Variants in CACNA1C observed in about 807,000 individuals in gnomAD.
CACNA1C encodes calcium voltage-gated channel subunit alpha1 C, also known as voltage-dependent L-type calcium channel subunit alpha-1C.
A neutral mutation model predicts 229.0 loss-of-function variants in CACNA1C; 30 were observed. The ratio of observed to expected loss-of-function variants is 0.13; its 90% CI spans 0.10 to 0.18. The LOEUF (loss-of-function observed/expected upper bound fraction) is 0.18. CACNA1C is among the 10% of genes least tolerant of loss of function. The probability of loss-of-function intolerance (pLI) is 1.00; values close to 1 mark genes in which losing one functional copy is unlikely to be tolerated. For missense variants in CACNA1C, 1,658 were observed against 2,845.0 expected, an observed-to-expected ratio of 0.58 and a Z score of 9.49; for synonymous variants, 1,114 against 1,132.5, an observed-to-expected ratio of 0.98 and a Z score of 0.33.
intron 1 of CACNA1C, among the ~76,000 whole-genome samples, chr12:2,042,973 C>G (rs1594252346): frequency 1.3e-5 from 2 of 152,246 alleles, no homozygotes; most frequent in East Asian, 3.9e-4. Context: ...AGAAATATGC[C>G]TGTACTTTAA....
Position 2,380,898 on chromosome 12 carries a change from AC to A in CACNA1C, c.478-68076del, listed in dbSNP as rs554034688. ...TGGTGTCCTAAGGCAGAGGCACATCACCAAGGATCACCTACGGAAGGTGCAA... is the reference window on the plus strand; with the variant it reads ...TGGTGTCCTAAGGCAGAGGCACATCACAAGGATCACCTACGGAAGGTGCAA... On this transcript the variant is annotated intron_variant, in intron 3 of 46. Coordinates refer to ENST00000399655, the MANE Select transcript of CACNA1C (RefSeq NM_000719.7). 3.9e-5 allele frequency among the ~76,000 whole-genome samples: 6 copies of A among 152,274 alleles called. No homozygotes were observed. In the South Asian group the frequency reaches 1.2e-3, roughly 32 times the overall value.
intron 3 of CACNA1C, among the ~76,000 whole-genome samples, chr12:2,360,173 C>CT (rs2097522720): frequency 1.8e-4 from 20 of 113,712 alleles, no homozygotes; most frequent in South Asian, 3.8e-4. Flanking sequence ...CCCACCCCCC[C>CT]ACCCCACACA....
intron 11 of CACNA1C, among the ~76,000 whole-genome samples, chr12:2,561,377 C>T: frequency 6.6e-6 from 1 of 152,246 alleles, no homozygotes; most frequent in Non-Finnish European, 1.5e-5. Context: ...TGGTCTGTGT[C>T]TCCGTGTAGC....
chr12:2,148,446 G>T (rs1425924851), intron 3 of CACNA1C, among the ~76,000 whole-genome samples: 1 of 151,172 alleles, frequency 6.6e-6, no homozygotes, highest in East Asian at 1.9e-4. Context: ...AGGCTCCAGG[G>T]GTTCTGGGTC....
chr12:2,413,018 AT>A (rs1455723534), intron 3 of CACNA1C, among the ~76,000 whole-genome samples: 3 of 152,196 alleles, frequency 2.0e-5, no homozygotes, highest in Non-Finnish European at 4.4e-5. Context: ...GGCCGACCCA[AT>A]GCTTTTTTGT....
In CACNA1C at chr12:2,120,376, A is replaced by G; in HGVS notation, c.423A>G (p.Leu141=). The part of the protein sequence containing the change: ...LLTIFANCVA[L]AIYIPFPEDD... ...CTATTTTTGCCAATTGTGTGGCCTT[A>G]GCGATCTATATTCCCTTTCCAGAAG... Residue 141 remains leucine, a synonymous_variant, in exon 3 of 47, where the codon TTA becomes TTG. Coordinates refer to ENST00000399655, the MANE Select transcript of CACNA1C (RefSeq NM_000719.7). The G allele has an allele frequency of 6.2e-7, 1 of 1,612,252 alleles. No individual in the cohort carries two copies. The highest frequency in any genetic ancestry group is 8.5e-7 in the Non-Finnish European group (1 of 1,178,286).
At chr12:2,680,329 C>G in intron 42 of CACNA1C, 3 of 1,464,794 alleles carry the variant, frequency 2.0e-6, no homozygotes, top group Non-Finnish European at 2.8e-6. Context: ...CTGACTCACT[C>G]TTTTCTCCTT....
intron 43 of CACNA1C, among the ~76,000 whole-genome samples, chr12:2,683,785 A>G (rs1603459329): frequency 6.6e-6 from 1 of 152,158 alleles, no homozygotes; most frequent in African/African-American, 2.4e-5. Flanking sequence ...GGGCTGTGCC[A>G]CCTGCTGGGA....
chr12:2,509,259 GAC>G (rs1323333071), intron 8 of CACNA1C, among the ~76,000 whole-genome samples: 2 of 152,180 alleles, frequency 1.3e-5, no homozygotes, highest in African/African-American at 4.8e-5. Flanking sequence ...AAAAGGTCAG[GAC>G]ACACGTGCCT....
chr12:2,382,744 C>G (rs546848818), intron 3 of CACNA1C, among the ~76,000 whole-genome samples: 146 of 152,298 alleles, frequency 9.6e-4, no homozygotes, highest in Non-Finnish European at 1.8e-3. Flanking sequence ...GCCCTGGGCA[C>G]CCTTTACCTC....
At chr12:2,134,148 C>T (rs1222513242) in intron 3 of CACNA1C, among the ~76,000 whole-genome samples, 4 of 69,998 alleles carry the variant, frequency 5.7e-5, no homozygotes, top group Non-Finnish European at 5.9e-5. Flanking sequence ...TTTTTGTTTT[C>T]CATTGGCTTG....
intron 9 of CACNA1C, among the ~76,000 whole-genome samples, chr12:2,518,347 G>A (rs568778867): frequency 1.3e-5 from 2 of 152,256 alleles, no homozygotes; most frequent in South Asian, 2.1e-4. Context: ...GGTGGCTCAC[G>A]CCTGTAATCC....
intron 3 of CACNA1C, among the ~76,000 whole-genome samples, chr12:2,303,880 G>A (rs1289923459): frequency 6.6e-6 from 1 of 152,240 alleles, no homozygotes; most frequent in East Asian, 1.9e-4. Flanking sequence ...GGTTTGGGGA[G>A]ATGAGTTGTT....
intron 3 of CACNA1C, among the ~76,000 whole-genome samples, chr12:2,165,251 A>G (rs79803537): frequency 0.011 from 1,603 of 152,360 alleles, 28 homozygotes; most frequent in African/African-American, 0.036. Context: ...AAAATTGTGA[A>G]AAAGGAAACA....
chr12:2,396,611 G>T (rs2154549857), intron 3 of CACNA1C, among the ~76,000 whole-genome samples: 1 of 152,338 alleles, frequency 6.6e-6, no homozygotes, highest in Non-Finnish European at 1.5e-5. Context: ...CTTGTGAACA[G>T]GGTGAGTTGT....
chr12:2,314,520 G>A (rs2095592337), intron 3 of CACNA1C, among the ~76,000 whole-genome samples: 1 of 152,086 alleles, frequency 6.6e-6, no homozygotes, highest in Non-Finnish European at 1.5e-5. Flanking sequence ...CCCTTCCCCA[G>A]GAACCACTGC....
rs1327162558 is a variant in CACNA1C at position 2,138,711 on chromosome 12, G to A, written c.477+18281G>A. On this transcript the variant is annotated intron_variant, in intron 3 of 46. Transcript: ENST00000399655. Reference sequence around the variant, plus strand: ...GGCTCCCCTTCCCCTTCTGCCATGAGTGGAAGCAGCCTGAGGCCCTCACCA... The same window carrying A: ...GGCTCCCCTTCCCCTTCTGCCATGAATGGAAGCAGCCTGAGGCCCTCACCA... 1.3e-5 allele frequency among the ~76,000 whole-genome samples: 2 copies of A among 151,138 alleles called. 1 individual carries two copies. Among genetic ancestry groups the A allele is most frequent in the Non-Finnish European group, 3.0e-5 (2 of 67,576 alleles).
intron 8 of CACNA1C, among the ~76,000 whole-genome samples, chr12:2,511,736 TCTC>T (rs1376073324): frequency 3.9e-5 from 6 of 152,118 alleles, no homozygotes; most frequent in African/African-American, 1.4e-4. Context: ...ATGATTGCCT[TCTC>T]CTGCCAGCCT....
chr12:2,504,650 A>G lies in CACNA1C; in HGVS notation c.1114-192A>G. The G allele has an allele frequency of 1.3e-6, 1 of 784,108 alleles. No individual in the cohort carries two copies. The allele number at this position is 784,108 out of a possible 1,614,324, so 48.6% of individuals were successfully genotyped here. A position where few individuals can be genotyped will look rare whatever the true frequency, so the allele number is the denominator to read the frequency against. On this transcript the variant is annotated intron_variant, in intron 7 of 46. Transcript: ENST00000399655. The surrounding 1 kb of genome is among the most constrained non-coding windows in gnomAD (Gnocchi z 6.8). Reference sequence around the variant, plus strand: ...GATGGGACCCTGACAGGCCCAGGAAAACCACAACAAAGCCTCTGTTCAACC... The same window carrying G: ...GATGGGACCCTGACAGGCCCAGGAAGACCACAACAAAGCCTCTGTTCAACC...
Sources: gnomAD v4.1 joint callset for allele counts (sites outside exome capture counted in the v4.1 genomes callset) on GRCh38, gnomAD v4.1.1 for gene constraint, Gnocchi (gnomAD v3.1) non-coding constraint, MANE v1.5 for transcripts, NCBI Gene and HGNC (gene_info 2026-07-23, HGNC 2026-07-21) for gene names.